The following CDC42BPA variants were observed in gnomAD, a reference collection of about 807,000 sequenced individuals.
CDC42BPA encodes the protein CDC42 binding protein kinase alpha, also known as serine/threonine-protein kinase MRCK alpha.
In CDC42BPA, 80 loss-of-function variants were observed where a neutral mutation model predicts 223.5. The observed-to-expected ratio is 0.36, with a 90% CI of 0.30 to 0.43. CDC42BPA has a LOEUF of 0.43. Ranked by LOEUF, CDC42BPA falls within the 20% of genes least tolerant of loss-of-function variation. CDC42BPA has a pLI of 1.00. For synonymous variants in CDC42BPA, 694 were observed against 718.6 expected, an observed-to-expected ratio of 0.97 and a Z score of 0.55; for missense variants, 1,743 against 2,099.9, an observed-to-expected ratio of 0.83 and a Z score of 3.32.
At chr1:227,040,369 C>T (rs891300864) in intron 23 of CDC42BPA, 133 bp from the exon 24 acceptor site, 3 of 613,272 alleles carry the variant, frequency 4.9e-6, no homozygotes, top group African/African-American at 1.9e-5. Context: ...TTTCTCATTA[C>T]ATCTTCTTAT....
chr1:227,179,211 A>C (rs6670934), intron 5 of CDC42BPA, among the ~76,000 whole-genome samples: 1 of 151,982 alleles, frequency 6.6e-6, no homozygotes, highest in Non-Finnish European at 1.5e-5. Context: ...AGGTATAGAG[A>C]AGAGTGTCTT....
At chr1:227,169,795 G>T (rs924172898) in intron 5 of CDC42BPA, among the ~76,000 whole-genome samples, 2 of 152,136 alleles carry the variant, frequency 1.3e-5, no homozygotes, top group African/African-American at 4.8e-5. Flanking sequence ...AGTGCCTTTA[G>T]GATAATGGTC....
At chr1:227,129,698 A>G (rs896784829) in intron 10 of CDC42BPA, among the ~76,000 whole-genome samples, 1 of 82,320 alleles carries the variant, frequency 1.2e-5, no homozygotes, top group Non-Finnish European at 2.6e-5. Flanking sequence ...AAAAAAATCC[A>G]CTGCATATAT....
At chr1:227,082,300 G>T (rs1269251836) in intron 16 of CDC42BPA, among the ~76,000 whole-genome samples, 1 of 152,052 alleles carries the variant, frequency 6.6e-6, no homozygotes, top group Non-Finnish European at 1.5e-5. Context: ...GCCCGCTGTG[G>T]CCTCCCAAAT....
intron 23 of CDC42BPA, 29 bp from the exon 24 acceptor site, chr1:227,040,265 C>T (rs1222818630): frequency 2.2e-6 from 3 of 1,390,182 alleles, no homozygotes; most frequent in Middle Eastern, 1.8e-4. Flanking sequence ...AAAAAACACA[C>T]AGATTGTTTA....
At chr1:227,139,332 C>T (rs1247239086) in intron 10 of CDC42BPA, among the ~76,000 whole-genome samples, 1 of 151,980 alleles carries the variant, frequency 6.6e-6, no homozygotes, top group Admixed American at 6.6e-5. Flanking sequence ...AAAGGTATTC[C>T]CACACATTTT....
At position 227,016,089 on chromosome 1, in the gene CDC42BPA, A is replaced by C. The variant is rs770316257; in HGVS notation, c.4848T>G (p.Asp1616Glu). The stretch of plus-strand genomic sequence containing the variant: ...TCTTAATTCCTCTTACCATGGGCAG[A>C]TCTTTCAGGATCTGTATTCCATCTC... ...GPGDGIQILKDLPMNPRPQES... is the reference protein window; with the variant it reads ...GPGDGIQILKELPMNPRPQES... The change falls in exon 34 of 37, where the codon GAT becomes GAG. Residue 1616 changes from aspartate (D) to glutamate (E), a missense_variant. Transcript: ENST00000366766. The C allele has an allele frequency of 6.4e-7, 1 of 1,566,044 alleles. No homozygotes were observed. Among genetic ancestry groups the C allele is most frequent in the South Asian group, 1.1e-5 (1 of 89,994 alleles).
intron 9 of CDC42BPA, 26 bp downstream of exon 9, chr1:227,142,919 A>T (rs755940326): frequency 2.2e-5 from 33 of 1,516,238 alleles, no homozygotes; most frequent in Non-Finnish European, 2.9e-5. Flanking sequence ...CACTTGGCCC[A>T]AACTATGTTA....
rs1673597069 is a variant in CDC42BPA at position 227,051,911 on chromosome 1, A to G, written c.2979T>C (p.Pro993=). The G allele has an allele frequency of 7.4e-7, 1 of 1,360,280 alleles. No homozygotes were observed. The highest frequency in any genetic ancestry group is 1.5e-5 in the African/African-American group (1 of 67,608). 84.3% of individuals were successfully genotyped at this position (1,360,280 alleles called of 1,614,324 possible). ...CTGGCTCAGCTTCACTAGATGTGGA[A>G]GGAGATGTGGACCGTGACTGGATGT... is the stretch of plus-strand genomic sequence containing the variant. ...KFHIQSRSTS[P]STSSEAEPVK... The change falls in exon 22 of 37, where the codon CCT becomes CCC. Residue 993 remains proline (P), a synonymous_variant. Transcript: ENST00000366766.
At chr1:227,204,733 C>T (rs1367828750) in intron 3 of CDC42BPA, among the ~76,000 whole-genome samples, 2 of 152,162 alleles carry the variant, frequency 1.3e-5, no homozygotes, top group East Asian at 3.9e-4. Context: ...ACTAGTTTCT[C>T]TCCTGTTTTG....
chr1:227,161,593 C>T (rs911376121), intron 5 of CDC42BPA, among the ~76,000 whole-genome samples: 4 of 152,160 alleles, frequency 2.6e-5, no homozygotes, highest in African/African-American at 7.2e-5. Flanking sequence ...ATTACTGAAG[C>T]AATTTCTCTG....
intron 14 of CDC42BPA, among the ~76,000 whole-genome samples, chr1:227,107,823 T>C (rs904027042): frequency 6.6e-6 from 1 of 152,160 alleles, no homozygotes; most frequent in African/African-American, 2.4e-5. Context: ...CTGGGTTATT[T>C]GTATCCTTCT....
At chr1:227,223,215 G>T (rs1676254680) in intron 2 of CDC42BPA, among the ~76,000 whole-genome samples, 1 of 152,122 alleles carries the variant, frequency 6.6e-6, no homozygotes, top group African/African-American at 2.4e-5. Flanking sequence ...ACTGAGGATG[G>T]GATAGTTTGG....
At chr1:227,040,646 A>G (rs555099206) in intron 23 of CDC42BPA, among the ~76,000 whole-genome samples, 1 of 152,280 alleles carries the variant, frequency 6.6e-6, no homozygotes, top group African/African-American at 2.4e-5. Context: ...CTTAGGAAAA[A>G]GAGTTATTTA....
rs370722097 is a variant in CDC42BPA, at chr1:227,316,555, G to A, written c.178+450C>T. 2.6e-5 allele frequency among the ~76,000 whole-genome samples: 4 copies of A among 152,126 alleles called. No individual in the cohort carries two copies. The East Asian group carries it at 7.7e-4, about 29-fold the overall frequency. ...TAAAACCCACTGATCACCACCTTCAGCTTTCTGTTGACCTAAGGCAAACAC... is the reference window on the plus strand; with the variant it reads ...TAAAACCCACTGATCACCACCTTCAACTTTCTGTTGACCTAAGGCAAACAC... On this transcript the variant is annotated intron_variant, in intron 1 of 36. Coordinates refer to ENST00000366766, the MANE Select transcript of CDC42BPA (RefSeq NM_001394014.1).
intron 1 of CDC42BPA, among the ~76,000 whole-genome samples, chr1:227,310,179 C>T (rs962122974): frequency 1.3e-5 from 2 of 152,192 alleles, no homozygotes; most frequent in African/African-American, 4.8e-5. Flanking sequence ...TGAAAAAAAG[C>T]CTATTCCATA....
At position 227,031,510 on chromosome 1, in the gene CDC42BPA, G is replaced by A. The variant is rs554882432; in HGVS notation, c.3563C>T (p.Thr1188Ile). 4 of 1,612,818 alleles carry A rather than the reference G, an allele frequency of 2.5e-6. No homozygotes were observed. The highest frequency in any genetic ancestry group is 3.3e-5 in the Admixed American group (2 of 60,022). Reference sequence around the variant, plus strand: ...ATTAGATGCTGAGAGCTGGGAAGCTGTGACCTAGAACAATTTAATCAATAT... The same window carrying A: ...ATTAGATGCTGAGAGCTGGGAAGCTATGACCTAGAACAATTTAATCAATAT... The part of the protein sequence containing the change: ...RKDIPCIFRV[T>I]ASQLSASNNK... Residue 1188 changes from threonine to isoleucine, a missense_variant, in exon 28 of 37, where the codon ACA becomes ATA. Transcript: ENST00000366766.
intron 1 of CDC42BPA, among the ~76,000 whole-genome samples, chr1:227,274,265 T>C (rs1686556582): frequency 6.6e-6 from 1 of 152,092 alleles, no homozygotes; most frequent in South Asian, 2.1e-4. Flanking sequence ...ATAGCTATGA[T>C]CCAAAAGTAG....
chr1:227,180,285 GT>G (rs1667723758), intron 5 of CDC42BPA, among the ~76,000 whole-genome samples: 1 of 151,904 alleles, frequency 6.6e-6, no homozygotes, highest in South Asian at 2.1e-4. Flanking sequence ...CCAAAAAGCT[GT>G]TAAATATTCT....
Sources: allele counts gnomAD v4.1 joint callset (sites outside exome capture counted in the v4.1 genomes callset), GRCh38; gene constraint gnomAD v4.1.1; transcripts MANE v1.5; gene names NCBI Gene and HGNC (gene_info 2026-07-23, HGNC 2026-07-21).